The following RHPN1 variants were observed in gnomAD, a reference collection of about 807,000 sequenced individuals.
The protein encoded by RHPN1 is rhophilin-1.
In RHPN1, 77 loss-of-function variants were observed where a neutral mutation model predicts 74.7. The ratio of observed to expected loss-of-function variants is 1.03; its 90% CI spans 0.86 to 1.25. RHPN1 has a LOEUF of 1.25. Ranked by LOEUF, RHPN1 falls within the 50% of genes most tolerant of loss-of-function variation. The pLI, the probability that RHPN1 is intolerant of heterozygous loss-of-function variation, is 0.00. For synonymous variants in RHPN1, 444 were observed against 414.5 expected, an observed-to-expected ratio of 1.07 and a Z score of -0.87; for missense variants, 987 against 932.2, an observed-to-expected ratio of 1.06 and a Z score of -0.77.
rs761094411 is a variant in RHPN1 at position 143,376,581 on chromosome 8, A to C, written c.233A>C (p.Asn78Thr). The C allele has an allele frequency of 1.7e-5, 28 of 1,609,554 alleles. No homozygotes were observed. In the East Asian group the frequency reaches 5.8e-4, roughly 33 times the overall value. ...ETVALELSYV[N>T]SNLQLLKEEL... is the part of the protein sequence containing the mutation. ...GTCGCCCTGGAGCTGAGCTACGTCA[A>C]CTCCAACCTGCAGCTGCTGAAGGAG... The change falls in exon 3 of 15, where the codon AAC becomes ACC. Residue 78 changes from asparagine (N) to threonine (T), a missense_variant. Asn to Thr is a moderately conservative substitution (Grantham distance 65). Transcript: ENST00000289013.
At position 143,376,561 on chromosome 8, in the gene RHPN1, C is replaced by A; in HGVS notation, c.213C>A (p.Ala71=). Residue 71 remains alanine, a synonymous_variant, in exon 3 of 15, where the codon GCC becomes GCA. Coordinates refer to ENST00000289013, the MANE Select transcript of RHPN1 (RefSeq NM_052924.3). ...ACAACCGGGTGAGAGAGACGGTCGC[C>A]CTGGAGCTGAGCTACGTCAACTCCA... ...TSNNRVRETV[A]LELSYVNSNL... The A allele has an allele frequency of 6.2e-7, 1 of 1,612,030 alleles. No individual in the cohort carries two copies.
At chr8:143,374,751 G>C (rs925431677) in intron 1 of RHPN1, among the ~76,000 whole-genome samples, 2 of 152,242 alleles carry the variant, frequency 1.3e-5, no homozygotes, top group African/African-American at 4.8e-5. Context: ...ACAAGGGTGG[G>C]GTGGGCTGAG....
At position 143,383,697 on chromosome 8, in the gene RHPN1, G is replaced by A. The variant is rs989505647; in HGVS notation, c.*1046G>A. The A allele has an allele frequency of 1.4e-4, 22 of 152,580 alleles. No individual in the cohort carries two copies. The highest frequency in any genetic ancestry group is 5.3e-4 in the African/African-American group (22 of 41,458). The allele number at this position is 152,580 out of a possible 1,614,324, so 9.5% of individuals were successfully genotyped here. A position where few individuals can be genotyped will look rare whatever the true frequency, so the allele number is the denominator to read the frequency against. The stretch of plus-strand genomic sequence containing the variant: ...AGCCGGAGCGGAGGCCCCCACCGAG[G>A]GCCCCAGGGCCTGGCAGGTTCCGGA... On this transcript the variant is annotated 3_prime_UTR_variant, in exon 15 of 15. Transcript: ENST00000289013.
At chr8:143,377,286 C>G in intron 3 of RHPN1, 94 bp from the exon 4 acceptor site, 1 of 935,500 alleles carries the variant, frequency 1.1e-6, no homozygotes, top group Non-Finnish European at 1.7e-6. Flanking sequence ...GGGAGGGAGG[C>G]ACCCTGTGCC....
rs1003418591 is a variant in RHPN1 at position 143,376,575 on chromosome 8, A to G, written c.227A>G (p.Tyr76Cys). The change falls in exon 3 of 15, where the codon TAC (tyrosine) becomes TGC (cysteine). Residue 76 changes from tyrosine to cysteine, a missense_variant. Coordinates refer to ENST00000289013, the MANE Select transcript of RHPN1 (RefSeq NM_052924.3). ...VRETVALELS[Y>C]VNSNLQLLKE... is the part of the protein sequence containing the mutation. ...GAGACGGTCGCCCTGGAGCTGAGCT[A>G]CGTCAACTCCAACCTGCAGCTGCTG... is the stretch of plus-strand genomic sequence containing the variant. 4 of 1,611,036 alleles carry G rather than the reference A, an allele frequency of 2.5e-6. No individual in the cohort carries two copies. The highest frequency in any genetic ancestry group is 3.4e-6 in the Non-Finnish European group (4 of 1,178,980).
chr8:143,382,419 C>A lies in RHPN1; in HGVS notation c.1798-17C>A. On this transcript the variant is annotated splice_polypyrimidine_tract_variant and intron_variant, in intron 14 of 14. Coordinates refer to ENST00000289013, the MANE Select transcript of RHPN1 (RefSeq NM_052924.3). ...CCAGCAGTGGCTGACCACAGTCTGT[C>A]TCTGTCCCTGCTGCAGGGGGACCGC... 1 of 1,548,536 alleles carries A rather than the reference C, an allele frequency of 6.5e-7. No homozygotes were observed. Among genetic ancestry groups the A allele is most frequent in the South Asian group, 1.2e-5 (1 of 84,094 alleles).
At chr8:143,369,111 C>A (rs1817662574) in intron 1 of RHPN1, 64 bp downstream of exon 1, 5 of 1,306,398 alleles carry the variant, frequency 3.8e-6, no homozygotes, top group Non-Finnish European at 5.0e-6. Context: ...CCTGCCCCCC[C>A]TCGAGGCGCG....
intron 5 of RHPN1, among the ~76,000 whole-genome samples, 165 bp downstream of exon 5, chr8:143,378,511 G>A (rs1449747798): frequency 3.3e-5 from 5 of 152,246 alleles, no homozygotes; most frequent in African/African-American, 4.8e-5. Context: ...GCCAGGGGGC[G>A]TGGAGGGGCT....
At chr8:143,376,966 G>A (rs1205984131) in intron 3 of RHPN1, among the ~76,000 whole-genome samples, 3 of 151,364 alleles carry the variant, frequency 2.0e-5, no homozygotes, top group African/African-American at 4.9e-5. Flanking sequence ...CTGTGTGCAC[G>A]TGTCTGCGTG....
Position 143,380,645 on chromosome 8 carries a change from G to A in RHPN1, c.1273G>A (p.Ala425Thr), listed in dbSNP as rs774895250. The A allele has an allele frequency of 2.2e-5, 34 of 1,562,686 alleles. No individual in the cohort carries two copies. The highest frequency in any genetic ancestry group is 1.7e-4 in the Middle Eastern group (1 of 5,744). Residue 425 changes from alanine to threonine, a missense_variant, in exon 11 of 15, where the codon GCC (alanine) becomes ACC (threonine). By Grantham distance (58) the Ala-to-Thr change is moderately conservative. Coordinates refer to ENST00000289013, the MANE Select transcript of RHPN1 (RefSeq NM_052924.3). ...GCAGGAGGAGGCGCTGCGGCTGCAC[G>A]CCCTGTGCCGCGTCCTGCGCGAGGT... is the stretch of plus-strand genomic sequence containing the variant. ...LGQEEALRLHALCRVLREVDL... is the reference protein window; with the variant it reads ...LGQEEALRLHTLCRVLREVDL...
chr8:143,375,630 G>A lies in RHPN1; in HGVS notation c.138G>A (p.Lys46=), dbSNP rs1818162869. 6.2e-7 allele frequency: 1 copy of A among 1,608,546 alleles called. No homozygotes were observed. Among genetic ancestry groups the A allele is most frequent in the Admixed American group, 1.7e-5 (1 of 59,148 alleles). Reference sequence around the variant, plus strand: ...CCCAGATTCACCAGCAGATTGACAAGGAGCTGCAGATGCGGACGGGCGCTG... The same window carrying A: ...CCCAGATTCACCAGCAGATTGACAAAGAGCTGCAGATGCGGACGGGCGCTG... ...RRAQIHQQID[K]ELQMRTGAEN... Residue 46 remains lysine (K), a synonymous_variant, in exon 2 of 15, where the codon AAG becomes AAA. Transcript: ENST00000289013.
intron 11 of RHPN1, 121 bp from the exon 12 acceptor site, chr8:143,381,147 C>T (rs1384103989): frequency 2.4e-6 from 2 of 817,426 alleles, no homozygotes; most frequent in South Asian, 1.7e-5. Context: ...TGCAGAGTGG[C>T]CAGGCCTGGA....
At position 143,379,171 on chromosome 8, in the gene RHPN1, C is replaced by T. The variant is rs531914613; in HGVS notation, c.751+93C>T. The T allele has an allele frequency of 5.0e-6, 7 of 1,393,700 alleles. No individual in the cohort carries two copies. The South Asian group carries it at 8.9e-5, about 18-fold the overall frequency. 86.3% of individuals were successfully genotyped at this position (1,393,700 alleles called of 1,614,324 possible). ...GGCAGGAGCTGGGGAGTGGTTAGGA[C>T]ATCAGTCCCTCAGGTAGGGGGAGTG... is the stretch of plus-strand genomic sequence containing the variant. On this transcript the variant is annotated intron_variant, in intron 7 of 14. Coordinates refer to ENST00000289013, the MANE Select transcript of RHPN1 (RefSeq NM_052924.3).
Position 143,378,356 on chromosome 8 carries a change from T to TCTCCC in RHPN1, c.459+11_459+12insTCCCC. On this transcript the variant is annotated intron_variant, in intron 5 of 14. Transcript: ENST00000289013. The stretch of plus-strand genomic sequence containing the variant: ...GGAGGCCCTGCGGCAGGTGTGTGGT[T>TCTCCC]CCCCCGCCCACCCACCCTCCTGCAG... 6.6e-7 allele frequency: 1 copy of TCTCCC among 1,525,440 alleles called. No individual in the cohort carries two copies. Among genetic ancestry groups the TCTCCC allele is most frequent in the Non-Finnish European group, 8.8e-7 (1 of 1,136,350 alleles). 94.5% of individuals were successfully genotyped at this position (1,525,440 alleles called of 1,614,324 possible). A position where few individuals can be genotyped will look rare whatever the true frequency, so the allele number is the denominator to read the frequency against.
At position 143,383,482 on chromosome 8, in the gene RHPN1, C is replaced by G. The variant is rs574006662; in HGVS notation, c.*831C>G. 30 of 152,442 alleles carry G rather than the reference C, an allele frequency of 2.0e-4. No homozygotes were observed. The highest frequency in any genetic ancestry group is 1.9e-3 in the Admixed American group (29 of 15,310). The allele number at this position is 152,442 out of a possible 1,614,324, so 9.4% of individuals were successfully genotyped here. A position where few individuals can be genotyped will look rare whatever the true frequency, so the allele number is the denominator to read the frequency against. ...TCCACAGGCCGTGAGCTGTCAGTGT[C>G]TCAAGCAGGGGAAGTGAGGGCTGCC... On this transcript the variant is annotated 3_prime_UTR_variant, in exon 15 of 15. Transcript: ENST00000289013.
At chr8:143,381,483 C>T (rs996777701) in intron 12 of RHPN1, 89 bp from the exon 13 acceptor site, 14 of 1,499,942 alleles carry the variant, frequency 9.3e-6, no homozygotes, top group Admixed American at 6.1e-5. Flanking sequence ...CGGTGTCCCT[C>T]GGTGCACAGG....
intron 1 of RHPN1, among the ~76,000 whole-genome samples, chr8:143,373,822 G>C (rs1218662719): frequency 1.3e-5 from 2 of 152,032 alleles, no homozygotes; most frequent in Middle Eastern, 3.2e-3. Context: ...CCTCGTATAA[G>C]GACCCTTGTC....
At chr8:143,378,671 G>T (rs767034306) in intron 5 of RHPN1, 25 bp from the exon 6 acceptor site, 2 of 1,588,960 alleles carry the variant, frequency 1.3e-6, no homozygotes, top group Non-Finnish European at 1.7e-6. Context: ...CAGGGCGGTG[G>T]GGCCCAGTGG....
At position 143,382,758 on chromosome 8, in the gene RHPN1, C is replaced by T. The variant is rs1294061389; in HGVS notation, c.*107C>T. 2 of 975,888 alleles carry T rather than the reference C, an allele frequency of 2.0e-6. No homozygotes were observed. The highest frequency in any genetic ancestry group is 3.0e-6 in the Non-Finnish European group (2 of 665,970). The allele number at this position is 975,888 out of a possible 1,614,324, so 60.5% of individuals were successfully genotyped here. ...CGGGCAATGCCTGTCCCGCCTCATG[C>T]TGGAGGCTGCCTCGGGCACCTGCCT... On this transcript the variant is annotated 3_prime_UTR_variant, in exon 15 of 15. Coordinates refer to ENST00000289013, the MANE Select transcript of RHPN1 (RefSeq NM_052924.3).
Sources: allele counts gnomAD v4.1 joint callset (sites outside exome capture counted in the v4.1 genomes callset), GRCh38; gene constraint gnomAD v4.1.1; transcripts MANE v1.5; gene names NCBI Gene and HGNC (gene_info 2026-07-23, HGNC 2026-07-21).